Variants in GRM8 observed in about 807,000 individuals in gnomAD.
GRM8 encodes metabotropic glutamate receptor 8.
GRM8 carries 47 observed loss-of-function variants against 87.2 expected under a neutral mutation model. That is an observed-to-expected ratio of 0.54 (90% CI 0.43 to 0.69). The LOEUF (loss-of-function observed/expected upper bound fraction) is 0.69. GRM8 is among the 30% of genes least tolerant of loss of function. The pLI, the probability that GRM8 is intolerant of heterozygous loss-of-function variation, is 0.00. For synonymous variants in GRM8, 396 were observed against 404.5 expected (o/e 0.98, Z 0.25); for missense variants, 1,019 against 1,139.2 (o/e 0.89, Z 1.52).
At chr7:127,249,997 G>T (rs889591415) in intron 1 of GRM8, among the ~76,000 whole-genome samples, 6 of 152,154 alleles carry the variant, frequency 3.9e-5, no homozygotes, top group Admixed American at 1.3e-4. Context: ...CCCAACTAAA[G>T]CAAGGTCATC....
chr7:126,530,532 T>TTCC (rs1814632327), intron 9 of GRM8, among the ~76,000 whole-genome samples: 1 of 152,210 alleles, frequency 6.6e-6, no homozygotes, highest in Non-Finnish European at 1.5e-5. Context: ...TGACATGGGC[T>TTCC]CAATAATTAG....
intron 2 of GRM8, among the ~76,000 whole-genome samples, chr7:127,212,878 A>G (rs1355120975): frequency 2.0e-5 from 3 of 152,218 alleles, no homozygotes; most frequent in Non-Finnish European, 4.4e-5. Flanking sequence ...AATGTCACAC[A>G]TGTTCACTTT....
At chr7:127,168,008 TG>T (rs1239838328) in intron 2 of GRM8, among the ~76,000 whole-genome samples, 1 of 152,020 alleles carries the variant, frequency 6.6e-6, no homozygotes, top group Non-Finnish European at 1.5e-5. Flanking sequence ...AATTGACAAA[TG>T]GGATCTAATG....
intron 2 of GRM8, chr7:127,112,148 C>T (rs1015042620): frequency 6.6e-5 from 10 of 152,248 alleles, no homozygotes; most frequent in African/African-American, 1.9e-4. Context: ...TGGCAACTGA[C>T]CACCTATCCC....
intron 3 of GRM8, among the ~76,000 whole-genome samples, chr7:126,939,499 G>C (rs1486532368): frequency 1.3e-5 from 2 of 152,170 alleles, no homozygotes. Context: ...CAAGCACCTG[G>C]TTACTACTAT....
At position 126,882,898 on chromosome 7, in the gene GRM8, G is replaced by A. The variant is rs149493697; in HGVS notation, c.1156+19644C>T. The stretch of plus-strand genomic sequence containing the variant: ...TCAACCTTAATAGTATTTGTAATTC[G>A]CCTTTACCCTGGGGCAGTTTTCAAA... On this transcript the variant is annotated intron_variant, in intron 6 of 10. Coordinates refer to ENST00000339582, the MANE Select transcript of GRM8 (RefSeq NM_000845.3). Among the ~76,000 whole-genome samples, 672 of 152,122 alleles carry A rather than the reference G, an allele frequency of 4.4e-3. 8 individuals are homozygous for A. The highest frequency in any genetic ancestry group is 0.015 in the African/African-American group (638 of 41,496).
At chr7:126,439,349 G>A (rs1270400286) in intron 10 of GRM8, among the ~76,000 whole-genome samples, 181 bp from the exon 11 acceptor site, 1 of 152,070 alleles carries the variant, frequency 6.6e-6, no homozygotes, top group Non-Finnish European at 1.5e-5. Context: ...GAGCTCGACA[G>A]CAGACTGCAT....
chr7:127,251,892 A>C (rs1798897601), intron 1 of GRM8, among the ~76,000 whole-genome samples: 1 of 152,160 alleles, frequency 6.6e-6, no homozygotes, highest in Non-Finnish European at 1.5e-5. Flanking sequence ...GGGCACGGAA[A>C]TCCCAAGCTC....
chr7:127,211,181 A>T (rs1035622595), intron 2 of GRM8, among the ~76,000 whole-genome samples: 4 of 152,206 alleles, frequency 2.6e-5, no homozygotes. Context: ...TTGAGGAGCA[A>T]GGAAGCGAGT....
chr7:126,915,111 A>T (rs991053246), intron 3 of GRM8, among the ~76,000 whole-genome samples: 7 of 152,152 alleles, frequency 4.6e-5, no homozygotes, highest in Non-Finnish European at 8.8e-5. Context: ...CTCACCACCG[A>T]TCTGGAGGTC....
At chr7:126,788,828 T>G (rs908852921) in intron 6 of GRM8, among the ~76,000 whole-genome samples, 36 of 149,398 alleles carry the variant, frequency 2.4e-4, no homozygotes, top group Non-Finnish European at 5.2e-4. Flanking sequence ...AAAAAAAAGG[T>G]CCATTGTTTT....
chr7:126,965,688 TTTATTTCC>T (rs1243796265), intron 3 of GRM8, among the ~76,000 whole-genome samples: 2 of 152,086 alleles, frequency 1.3e-5, no homozygotes, highest in African/African-American at 2.4e-5. Context: ...CTAATATATC[TTTATTTCC>T]TTATTTTCTC....
At chr7:127,146,562 G>T (rs1358797830) in intron 2 of GRM8, among the ~76,000 whole-genome samples, 1 of 152,036 alleles carries the variant, frequency 6.6e-6, no homozygotes, top group African/African-American at 2.4e-5. Flanking sequence ...ACATGTAAGT[G>T]TTTTTTCCCA....
intron 8 of GRM8, among the ~76,000 whole-genome samples, chr7:126,538,332 T>C (rs1286337002): frequency 1.3e-5 from 2 of 152,156 alleles, no homozygotes; most frequent in African/African-American, 4.8e-5. Context: ...TAGAGAATAA[T>C]TTTCTTCTGT....
intron 7 of GRM8, among the ~76,000 whole-genome samples, chr7:126,690,056 A>T (rs920752343): frequency 6.6e-6 from 1 of 152,194 alleles, no homozygotes; most frequent in Non-Finnish European, 1.5e-5. Flanking sequence ...CCAGGGCTAA[A>T]CTTCTTGTGT....
chr7:127,085,292 T>C (rs10238106), intron 3 of GRM8, among the ~76,000 whole-genome samples: 1,813 of 152,344 alleles, frequency 0.012, 33 homozygotes, highest in African/African-American at 0.04. Flanking sequence ...TGTGTCTTCA[T>C]AGTAGCATGA....
intron 9 of GRM8, among the ~76,000 whole-genome samples, chr7:126,494,573 T>C (rs969297335): frequency 1.3e-5 from 2 of 152,078 alleles, no homozygotes; most frequent in Non-Finnish European, 1.5e-5. Flanking sequence ...ACTTAGAAAA[T>C]GCTTGAGGAA....
At chr7:126,641,409 A>G (rs1014717529) in intron 7 of GRM8, among the ~76,000 whole-genome samples, 1 of 152,210 alleles carries the variant, frequency 6.6e-6, no homozygotes, top group Non-Finnish European at 1.5e-5. Flanking sequence ...CAAGAAGCTT[A>G]CCTTTATTTG....
chr7:127,114,721 T>C (rs1166334462), intron 2 of GRM8, among the ~76,000 whole-genome samples: 1 of 152,228 alleles, frequency 6.6e-6, no homozygotes, highest in African/African-American at 2.4e-5. Flanking sequence ...TTTGTATCTA[T>C]ATCTGCCTGA....
Sources: allele counts gnomAD v4.1 joint callset (sites outside exome capture counted in the v4.1 genomes callset), GRCh38; gene constraint gnomAD v4.1.1; transcripts MANE v1.5; gene names NCBI Gene and HGNC (gene_info 2026-07-23, HGNC 2026-07-21).